Variants in DCAF7 observed in about 807,000 individuals in gnomAD.
The protein encoded by DCAF7 is DDB1- and CUL4-associated factor 7.
A neutral mutation model predicts 41.2 loss-of-function variants in DCAF7; 4 were observed. The ratio of observed to expected loss-of-function variants is 0.10; its 90% CI spans 0.05 to 0.22. The LOEUF is 0.22. DCAF7 is among the 10% of genes least tolerant of loss of function. The probability of loss-of-function intolerance (pLI) is 1.00; values close to 1 mark genes in which losing one functional copy is unlikely to be tolerated. For synonymous variants in DCAF7, 143 were observed against 164.2 expected, an observed-to-expected ratio of 0.87 and a Z score of 0.99; for missense variants, 131 against 443.2, an observed-to-expected ratio of 0.30 and a Z score of 6.32.
chr17:63,578,657 C>G lies in DCAF7; in HGVS notation c.297+29C>G. 4 of 1,613,582 alleles carry G rather than the reference C, an allele frequency of 2.5e-6. No individual in the cohort carries two copies. In the East Asian group the frequency reaches 6.7e-5, roughly 27 times the overall value. ...AGCGGATGCTTTATTAGCAGCCAGA[C>G]AAGTGGGCTTTCTCAGCCTCAGCTG... On this transcript the variant is annotated intron_variant, in intron 2 of 6. Coordinates refer to ENST00000614556, the MANE Select transcript of DCAF7 (RefSeq NM_005828.5).
intron 1 of DCAF7, among the ~76,000 whole-genome samples, chr17:63,553,984 G>C (rs945688984): frequency 6.6e-6 from 1 of 152,110 alleles, no homozygotes; most frequent in Non-Finnish European, 1.5e-5. Flanking sequence ...TGGGAGAATC[G>C]CTTGAGCCCG....
intron 1 of DCAF7, among the ~76,000 whole-genome samples, chr17:63,576,076 G>A (rs1271135158): frequency 1.3e-5 from 2 of 152,274 alleles, no homozygotes; most frequent in East Asian, 3.9e-4. Flanking sequence ...TTCAATAAAG[G>A]GGTCAAGGTA....
chr17:63,585,342 G>A lies in DCAF7; in HGVS notation c.856+14G>A, dbSNP rs1055853999. 2 of 1,605,460 alleles carry A rather than the reference G, an allele frequency of 1.2e-6. No individual in the cohort carries two copies. The highest frequency in any genetic ancestry group is 1.3e-5 in the African/African-American group (1 of 74,750). ...TCTGCACTGCAGGTAATCATGGTGG[G>A]GAGAAAGAAATCTGGGAAGGATGGA... On this transcript the variant is annotated intron_variant, in intron 6 of 6. Transcript: ENST00000614556.
rs568361009 is a variant in DCAF7 at position 63,588,600 on chromosome 17, CATT to C, written c.857-397_857-395del. Among the ~76,000 whole-genome samples the C allele has an allele frequency of 1.6e-4, 24 of 152,138 alleles. No individual in the cohort carries two copies. In the South Asian group the frequency reaches 4.8e-3, roughly 30 times the overall value. ...CCATCAAACAGGGAAGAAACGCTCT[CATT>C]ATATTGAATGATCAGAGAATGATCT... On this transcript the variant is annotated intron_variant, in intron 6 of 6. Transcript: ENST00000614556.
chr17:63,587,508 A>G (rs977620055), intron 6 of DCAF7, among the ~76,000 whole-genome samples: 5 of 151,976 alleles, frequency 3.3e-5, no homozygotes, highest in Admixed American at 2.6e-4. Flanking sequence ...AGCCCCTTCA[A>G]CCGAAGGAGC....
At chr17:63,584,100 G>T (rs553873390) in intron 5 of DCAF7, among the ~76,000 whole-genome samples, 1 of 152,192 alleles carries the variant, frequency 6.6e-6, no homozygotes, top group Non-Finnish European at 1.5e-5. Context: ...TGTGCCTATG[G>T]TGCTGAGTGA....
chr17:63,580,229 TG>T (rs1404308216), intron 4 of DCAF7, among the ~76,000 whole-genome samples: 1 of 152,116 alleles, frequency 6.6e-6, no homozygotes, highest in Non-Finnish European at 1.5e-5. Flanking sequence ...ATAGAGGAGC[TG>T]GGAACTGATG....
Position 63,550,894 on chromosome 17 carries a change from C to T in DCAF7, c.138+79C>T, listed in dbSNP as rs2033244080. The stretch of plus-strand genomic sequence containing the variant: ...GCCCTTTCCGGGCCGGAGCCCAGGC[C>T]TCAGAACCCTCTTGCGGACTCGCCC... On this transcript the variant is annotated intron_variant, in intron 1 of 6. Transcript: ENST00000614556. This position sits in a 1 kb window ranked among gnomAD's most constrained non-coding sequence, Gnocchi z 4.8. 4 of 1,544,338 alleles carry T rather than the reference C, an allele frequency of 2.6e-6. No individual in the cohort carries two copies. Among genetic ancestry groups the T allele is most frequent in the Admixed American group, 2.0e-5 (1 of 50,310 alleles).
At chr17:63,577,836 G>A (rs1280720764) in intron 1 of DCAF7, among the ~76,000 whole-genome samples, 1 of 152,174 alleles carries the variant, frequency 6.6e-6, no homozygotes, top group Non-Finnish European at 1.5e-5. Context: ...TACCTTAGGG[G>A]TTTCAGGGGA....
At position 63,589,554 on chromosome 17, in the gene DCAF7, C is replaced by T; in HGVS notation, c.*382C>T. The T allele has an allele frequency of 3.4e-6, 1 of 295,530 alleles. No homozygotes were observed. Among genetic ancestry groups the T allele is most frequent in the Non-Finnish European group, 6.7e-6 (1 of 149,798 alleles). 18.3% of individuals were successfully genotyped at this position (295,530 alleles called of 1,614,324 possible). Reference sequence around the variant, plus strand: ...TGCTGCCCAAGGCAGCAGTTCATGTCTCGTCCATGTCCATGTTCGTGTTAG... The same window carrying T: ...TGCTGCCCAAGGCAGCAGTTCATGTTTCGTCCATGTCCATGTTCGTGTTAG... On this transcript the variant is annotated 3_prime_UTR_variant, in exon 7 of 7. Coordinates refer to ENST00000614556, the MANE Select transcript of DCAF7 (RefSeq NM_005828.5).
In DCAF7 at chr17:63,555,371, C is replaced by T. The variant is rs563396093; in HGVS notation, c.138+4556C>T. Among the ~76,000 whole-genome samples the T allele has an allele frequency of 2.6e-5, 4 of 152,328 alleles. No homozygotes were observed. The East Asian group carries it at 7.7e-4, about 29-fold the overall frequency. On this transcript the variant is annotated intron_variant, in intron 1 of 6. Transcript: ENST00000614556. The stretch of plus-strand genomic sequence containing the variant: ...GAATCCTAGTAGTGAGTCTGGGTGG[C>T]ATGACCACCTTGTACTTGAAACACT...
Position 63,580,857 on chromosome 17 carries a change from T to A in DCAF7, c.528+914T>A, listed in dbSNP as rs2033615610. ...TAATCAAAGCATTCTTCTCAGTGATTTTGGAAAATCCCCATAAGTCTTTTC... is the reference window on the plus strand; with the variant it reads ...TAATCAAAGCATTCTTCTCAGTGATATTGGAAAATCCCCATAAGTCTTTTC... On this transcript the variant is annotated intron_variant, in intron 4 of 6. Transcript: ENST00000614556. Among the ~76,000 whole-genome samples the A allele has an allele frequency of 2.0e-5, 3 of 152,186 alleles. No homozygotes were observed. In the South Asian group the frequency reaches 6.2e-4, roughly 32 times the overall value.
intron 1 of DCAF7, among the ~76,000 whole-genome samples, chr17:63,574,789 A>G (rs1598032744): frequency 6.6e-6 from 1 of 152,274 alleles, no homozygotes; most frequent in East Asian, 1.9e-4. Flanking sequence ...CCTGGGCAAC[A>G]TGGCAAAACC....
Position 63,583,720 on chromosome 17 carries a change from T to G in DCAF7, c.738+9T>G, listed in dbSNP as rs755747794. ...CCATGGATGGAATGGAGGTGAGCAC[T>G]CCTCTCAGGCTACCATGGGCCCTGC... On this transcript the variant is annotated intron_variant, in intron 5 of 6. Coordinates refer to ENST00000614556, the MANE Select transcript of DCAF7 (RefSeq NM_005828.5). The G allele has an allele frequency of 3.8e-5, 62 of 1,613,112 alleles. 1 individual carries two copies. The Middle Eastern group carries it at 6.6e-4, about 17-fold the overall frequency.
At chr17:63,558,424 G>A (rs980690161) in intron 1 of DCAF7, among the ~76,000 whole-genome samples, 17 of 152,120 alleles carry the variant, frequency 1.1e-4, no homozygotes, top group Admixed American at 2.6e-4. Flanking sequence ...TAATGCTGGG[G>A]AACACAAAAC....
chr17:63,584,610 A>C (rs1598037280), intron 5 of DCAF7, among the ~76,000 whole-genome samples: 1 of 151,630 alleles, frequency 6.6e-6, no homozygotes, highest in African/African-American at 2.4e-5. Context: ...AAAATACAAA[A>C]AATTAGCCGG....
At chr17:63,553,029 T>G (rs574484240) in intron 1 of DCAF7, among the ~76,000 whole-genome samples, 1 of 152,364 alleles carries the variant, frequency 6.6e-6, no homozygotes, top group Admixed American at 6.5e-5. Flanking sequence ...GGTCATCTGA[T>G]ACCAATAGAC....
In DCAF7 at chr17:63,592,548, A is replaced by C. The variant is rs1477842370; in HGVS notation, c.*3376A>C. ...TGACAATTAGGGCCAAAATTTTAGG[A>C]GGAGATGTAGGATGCAGGAGAAAAT... On this transcript the variant is annotated 3_prime_UTR_variant, in exon 7 of 7. Transcript: ENST00000614556. 1 of 152,224 alleles carries C rather than the reference A, an allele frequency of 6.6e-6. No homozygotes were observed. Among genetic ancestry groups the C allele is most frequent in the African/African-American group, 2.4e-5 (1 of 41,462 alleles). The allele number at this position is 152,224 out of a possible 1,614,324, so 9.4% of individuals were successfully genotyped here.
intron 1 of DCAF7, among the ~76,000 whole-genome samples, chr17:63,575,338 GA>G (rs2033550393): frequency 6.6e-6 from 1 of 151,832 alleles, no homozygotes. Context: ...CTCAGAAAAA[GA>G]AATAAAGAAA....
Sources: gnomAD v4.1 joint callset for allele counts (sites outside exome capture counted in the v4.1 genomes callset) on GRCh38, gnomAD v4.1.1 for gene constraint, Gnocchi (gnomAD v3.1) non-coding constraint, MANE v1.5 for transcripts, NCBI Gene and HGNC (gene_info 2026-07-23, HGNC 2026-07-21) for gene names.